The following PCSK5 variants were observed in gnomAD, a reference collection of about 807,000 sequenced individuals.
PCSK5 encodes the protein prohormone convertase 5.
A neutral mutation model predicts 233.2 loss-of-function variants in PCSK5; 129 were observed. The observed-to-expected ratio is 0.55, with a 90% CI of 0.48 to 0.64. PCSK5 has a LOEUF of 0.64. Among genes scored for constraint, PCSK5 ranks in the 30% least tolerant of loss-of-function variants. The pLI is 0.00. For synonymous variants in PCSK5, 825 were observed against 879.2 expected, an observed-to-expected ratio of 0.94 and a Z score of 1.09; for missense variants, 2,076 against 2,430.1, an observed-to-expected ratio of 0.85 and a Z score of 3.06.
At chr9:75,992,606 C>A (rs904226292) in intron 3 of PCSK5, among the ~76,000 whole-genome samples, 2 of 151,648 alleles carry the variant, frequency 1.3e-5, no homozygotes, top group African/African-American at 4.8e-5. Flanking sequence ...CACATACACA[C>A]ACACAATTTT....
chr9:75,932,343 T>G (rs1823846908), intron 1 of PCSK5, 36 bp from the exon 2 acceptor site: 3 of 1,310,904 alleles, frequency 2.3e-6, no homozygotes, highest in Non-Finnish European at 2.2e-6. Flanking sequence ...ATTAATGTCT[T>G]TTTTTTGTTC....
intron 5 of PCSK5, among the ~76,000 whole-genome samples, chr9:76,055,578 T>C (rs902507435): frequency 6.6e-6 from 1 of 152,124 alleles, no homozygotes; most frequent in African/African-American, 2.4e-5. Context: ...TTCAGTAAAA[T>C]ATACTATCAA....
At chr9:75,975,272 G>A (rs1398353508) in intron 2 of PCSK5, among the ~76,000 whole-genome samples, 1 of 152,172 alleles carries the variant, frequency 6.6e-6, no homozygotes. Context: ...TATTTAAATA[G>A]CTAGGAGAAG....
chr9:76,040,403 CTCTCTCTCTCA>C (rs1829068415), intron 5 of PCSK5, among the ~76,000 whole-genome samples: 1 of 130,862 alleles, frequency 7.6e-6, no homozygotes, highest in Non-Finnish European at 1.6e-5. Context: ...CTCTCTCTCT[CTCTCTCTCTCA>C]ACAGGTCTTT....
intron 10 of PCSK5, among the ~76,000 whole-genome samples, chr9:76,135,451 A>G (rs915066473): frequency 2.0e-5 from 3 of 152,100 alleles, no homozygotes; most frequent in Non-Finnish European, 4.4e-5. Context: ...TTGAAGTATT[A>G]TCAAACACCT....
At chr9:75,929,452 A>T (rs755174456) in intron 1 of PCSK5, among the ~76,000 whole-genome samples, 4 of 150,888 alleles carry the variant, frequency 2.7e-5, no homozygotes, top group Non-Finnish European at 5.9e-5. Flanking sequence ...TTAATATGAG[A>T]TGGTATAATT....
intron 9 of PCSK5, among the ~76,000 whole-genome samples, chr9:76,109,757 C>T (rs927192803): frequency 3.3e-5 from 5 of 152,106 alleles, no homozygotes; most frequent in Non-Finnish European, 5.9e-5. Flanking sequence ...AAAAAACAAA[C>T]CTTTTTTTGT....
intron 9 of PCSK5, among the ~76,000 whole-genome samples, chr9:76,125,045 A>T (rs1832790802): frequency 6.7e-6 from 1 of 148,784 alleles, no homozygotes; most frequent in African/African-American, 2.5e-5. Flanking sequence ...CTTTCCCTAT[A>T]CTCTCCTCTT....
rs139627283 is a variant in PCSK5 at position 76,133,750 on chromosome 9, G to A, written c.1209-359G>A. ...CCTTCTGTTTTGATTTTAGCTTATC[G>A]TAATCTGATGATGATGATCCAAGCT... is the stretch of plus-strand genomic sequence containing the variant. On this transcript the variant is annotated intron_variant, in intron 9 of 37. Coordinates refer to ENST00000674117, the MANE Select transcript of PCSK5 (RefSeq NM_001372043.1). Among the ~76,000 whole-genome samples the A allele has an allele frequency of 1.6e-3, 241 of 152,090 alleles. 1 individual carries two copies. Among genetic ancestry groups the A allele is most frequent in the Non-Finnish European group, 1.8e-3 (119 of 67,950 alleles).
intron 32 of PCSK5, among the ~76,000 whole-genome samples, chr9:76,324,028 C>T (rs1389853815): frequency 2.0e-5 from 3 of 149,564 alleles, no homozygotes; most frequent in African/African-American, 2.5e-5. Flanking sequence ...TGGGTTCAAG[C>T]GATTTGCCTG....
At chr9:75,924,251 A>G (rs1426930670) in intron 1 of PCSK5, among the ~76,000 whole-genome samples, 3 of 152,174 alleles carry the variant, frequency 2.0e-5, no homozygotes, top group East Asian at 1.9e-4. Flanking sequence ...CTCTGAGTTC[A>G]TGCCCTCTAA....
intron 9 of PCSK5, among the ~76,000 whole-genome samples, chr9:76,130,718 G>T (rs918742303): frequency 6.6e-6 from 1 of 152,108 alleles, no homozygotes; most frequent in African/African-American, 2.4e-5. Flanking sequence ...GGTTTGAAAG[G>T]TCATAGATGG....
At chr9:76,000,682 T>C (rs1356116880) in intron 3 of PCSK5, among the ~76,000 whole-genome samples, 1 of 152,238 alleles carries the variant, frequency 6.6e-6, no homozygotes, top group African/African-American at 2.4e-5. Flanking sequence ...CTATTTTCAT[T>C]GTAAATTCAT....
At chr9:75,901,634 A>G (rs1303288325) in intron 1 of PCSK5, among the ~76,000 whole-genome samples, 2 of 151,982 alleles carry the variant, frequency 1.3e-5, no homozygotes, top group East Asian at 3.9e-4. Flanking sequence ...ACTTAAAAAA[A>G]AAAAAAAAAA....
At chr9:76,272,904 G>A (rs563865114) in intron 24 of PCSK5, among the ~76,000 whole-genome samples, 6 of 150,564 alleles carry the variant, frequency 4.0e-5, no homozygotes, top group Non-Finnish European at 7.4e-5. Flanking sequence ...GCTTCTCCAA[G>A]CATTTCTACT....
At chr9:76,318,076 G>A (rs371855385) in intron 30 of PCSK5, among the ~76,000 whole-genome samples, 1 of 152,106 alleles carries the variant, frequency 6.6e-6, no homozygotes, top group African/African-American at 2.4e-5. Context: ...TCTCTAAGCC[G>A]GCTTATGGTT....
At position 76,323,079 on chromosome 9, in the gene PCSK5, A is replaced by G. The variant is rs1445496107; in HGVS notation, c.4130A>G (p.Asp1377Gly). ...KECTPEFFLH[D>G]DMCHQSCPRG... ...TGCACGCCTGAGTTCTTCCTGCACG[A>G]TGATATGTGCCACCAGTCCTGTCCC... Residue 1377 changes from aspartate to glycine, a missense_variant, in exon 32 of 38, where the codon GAT becomes GGT. Asp to Gly is a moderately conservative substitution (Grantham distance 94, BLOSUM62 -1). Coordinates refer to ENST00000674117, the MANE Select transcript of PCSK5 (RefSeq NM_001372043.1). 6.2e-7 allele frequency: 1 copy of G among 1,607,320 alleles called. No homozygotes were observed. The highest frequency in any genetic ancestry group is 2.2e-5 in the East Asian group (1 of 44,728).
chr9:76,308,729 G>T lies in PCSK5; in HGVS notation c.3688+1G>T, dbSNP rs1321902214. On this transcript the variant is annotated splice_donor_variant, in intron 29 of 37. Transcript: ENST00000674117. LOFTEE classifies it high-confidence loss of function. ...ACTCTGTGCACTTCATGTCCCAAAG[G>T]TTAGTGTGTTGCGTGACAGAAGATG... The T allele has an allele frequency of 1.1e-5, 17 of 1,596,560 alleles. No individual in the cohort carries two copies. The highest frequency in any genetic ancestry group is 1.7e-5 in the Admixed American group (1 of 59,900).
In PCSK5 at chr9:75,995,777, A is replaced by G. The variant is rs955502098; in HGVS notation, c.411+9532A>G. On this transcript the variant is annotated intron_variant, in intron 3 of 37. Coordinates refer to ENST00000674117, the MANE Select transcript of PCSK5 (RefSeq NM_001372043.1). ...CACACACACACACACACACACACAC[A>G]CACACTCACACCTCTCTGATCTTGT... Among the ~76,000 whole-genome samples the G allele has an allele frequency of 6.5e-4, 95 of 146,328 alleles. 1 individual carries two copies. The highest frequency in any genetic ancestry group is 8.7e-4 in the Non-Finnish European group (57 of 65,646).
Sources: allele counts gnomAD v4.1 joint callset (sites outside exome capture counted in the v4.1 genomes callset), GRCh38; gene constraint gnomAD v4.1.1; transcripts MANE v1.5; gene names NCBI Gene and HGNC (gene_info 2026-07-23, HGNC 2026-07-21).